Variants in PCLO observed in about 807,000 individuals in gnomAD.
The protein encoded by PCLO is piccolo presynaptic cytomatrix protein.
Under a neutral mutation model 427.5 loss-of-function variants are expected in PCLO, and 82 were observed. That is an observed-to-expected ratio of 0.19 (90% CI 0.16 to 0.23). PCLO has a LOEUF of 0.23. PCLO is among the 10% of genes least tolerant of loss of function. The pLI, the probability that PCLO is intolerant of heterozygous loss-of-function variation, is 1.00. For synonymous variants in PCLO, 2,357 were observed against 2,155.4 expected, an observed-to-expected ratio of 1.09 and a Z score of -2.59; for missense variants, 6,239 against 6,115.9, an observed-to-expected ratio of 1.02 and a Z score of -0.67.
intron 3 of PCLO, among the ~76,000 whole-genome samples, chr7:82,976,574 T>C (rs1796022669): frequency 1.3e-5 from 2 of 152,228 alleles, no homozygotes. Flanking sequence ...ATTGTTGGTG[T>C]GTATGCAAAG....
chr7:83,160,109 T>C (rs1204765468), intron 1 of PCLO, among the ~76,000 whole-genome samples: 1 of 152,158 alleles, frequency 6.6e-6, no homozygotes, highest in Non-Finnish European at 1.5e-5. Flanking sequence ...TTTACATTTG[T>C]AGGGTTTGTG....
intron 3 of PCLO, among the ~76,000 whole-genome samples, chr7:83,040,318 C>A (rs1374259515): frequency 1.3e-5 from 2 of 152,080 alleles, no homozygotes; most frequent in Non-Finnish European, 2.9e-5. Context: ...CATCATAGGG[C>A]ACAGATTTTG....
chr7:82,858,517 T>C (rs1010445923), intron 10 of PCLO, among the ~76,000 whole-genome samples: 2 of 152,170 alleles, frequency 1.3e-5, no homozygotes, highest in Non-Finnish European at 2.9e-5. Context: ...TAAAATTGTC[T>C]ATTTGCAGAT....
At chr7:82,859,355 A>G (rs1289219619) in intron 10 of PCLO, among the ~76,000 whole-genome samples, 1 of 152,210 alleles carries the variant, frequency 6.6e-6, no homozygotes, top group Non-Finnish European at 1.5e-5. Context: ...GATGTTGCCC[A>G]CAGGGGTGCT....
Position 82,841,140 on chromosome 7 carries a change from G to T in PCLO, c.14097+319C>A, listed in dbSNP as rs368577297. Among the ~76,000 whole-genome samples the T allele has an allele frequency of 7.9e-5, 12 of 151,872 alleles. No homozygotes were observed. The East Asian group carries it at 2.1e-3, about 27-fold the overall frequency. On this transcript the variant is annotated intron_variant, in intron 14 of 24. Coordinates refer to ENST00000333891, the MANE Select transcript of PCLO (RefSeq NM_033026.6). ...AGTAGACTCATGAAACTCTTAAAGA[G>T]GAAACTTCAAATTTCCAGGAGAATC...
At chr7:82,773,481 T>G (rs1371242728) in intron 22 of PCLO, among the ~76,000 whole-genome samples, 1 of 152,144 alleles carries the variant, frequency 6.6e-6, no homozygotes, top group East Asian at 1.9e-4. Flanking sequence ...TCTTTGTCCT[T>G]AATCTTATCA....
chr7:83,125,349 G>A (rs949007065), intron 3 of PCLO, among the ~76,000 whole-genome samples: 1 of 152,304 alleles, frequency 6.6e-6, no homozygotes, highest in East Asian at 1.9e-4. Context: ...TCTGGGAAGT[G>A]GGGGGCTGCT....
chr7:82,866,606 GA>G, intron 10 of PCLO, among the ~76,000 whole-genome samples: 1 of 151,026 alleles, frequency 6.6e-6, no homozygotes, highest in Non-Finnish European at 1.5e-5. Context: ...TAGCTTAAGA[GA>G]AAAATAAAGG....
intron 2 of PCLO, among the ~76,000 whole-genome samples, chr7:83,143,352 C>G (rs1046057093): frequency 2.0e-5 from 3 of 152,116 alleles, no homozygotes; most frequent in African/African-American, 7.2e-5. Flanking sequence ...TGGTTAAAAA[C>G]TAGACACTAG....
chr7:83,024,573 GC>G lies in PCLO; in HGVS notation c.3301-58087del, dbSNP rs1788437624. Among the ~76,000 whole-genome samples the G allele has an allele frequency of 7.9e-5, 12 of 152,312 alleles. 1 individual carries two copies. The South Asian group carries it at 2.5e-3, about 32-fold the overall frequency. ...CAGGCTTGATTAGGTAAACAAAGCA[GC>G]CAGGAAGCTCGAACTGGGTGGAGCC... On this transcript the variant is annotated intron_variant, in intron 3 of 24. Coordinates refer to ENST00000333891, the MANE Select transcript of PCLO (RefSeq NM_033026.6).
At chr7:82,783,533 A>C (rs1308717866) in intron 22 of PCLO, among the ~76,000 whole-genome samples, 1 of 152,096 alleles carries the variant, frequency 6.6e-6, no homozygotes, top group Admixed American at 6.6e-5. Flanking sequence ...GAGGCAGGAG[A>C]ATGGCGTGAA....
chr7:82,792,101 A>G (rs1791113739), intron 22 of PCLO, among the ~76,000 whole-genome samples: 1 of 152,156 alleles, frequency 6.6e-6, no homozygotes, highest in African/African-American at 2.4e-5. Context: ...CTATTCAACA[A>G]TGAAGCTATC....
rs1300196710 is a variant in PCLO at position 82,756,044 on chromosome 7, G to A, written c.*2531C>T. On this transcript the variant is annotated 3_prime_UTR_variant, in exon 25 of 25. Coordinates refer to ENST00000333891, the MANE Select transcript of PCLO (RefSeq NM_033026.6). ...GACTCCTACGCTTTCAGGTTAAATA[G>A]CTACCAAAGAGATAATCTTTGTTTT... The A allele has an allele frequency of 6.6e-6, 1 of 152,076 alleles. No homozygotes were observed. Among genetic ancestry groups the A allele is most frequent in the East Asian group, 1.9e-4 (1 of 5,170 alleles). The allele number at this position is 152,076 out of a possible 1,614,324, so 9.4% of individuals were successfully genotyped here.
At chr7:82,927,629 C>T (rs1052191253) in intron 6 of PCLO, among the ~76,000 whole-genome samples, 1 of 152,096 alleles carries the variant, frequency 6.6e-6, no homozygotes, top group African/African-American at 2.4e-5. Flanking sequence ...CTCACCAAAA[C>T]CCATCTTGTT....
chr7:82,829,507 C>T (rs1792037897), intron 16 of PCLO, among the ~76,000 whole-genome samples: 1 of 152,108 alleles, frequency 6.6e-6, no homozygotes, highest in Admixed American at 6.6e-5. Flanking sequence ...AAGCAGCATT[C>T]CTCGCACTTC....
At chr7:82,846,126 T>A (rs1329711270) in intron 12 of PCLO, among the ~76,000 whole-genome samples, 1 of 152,158 alleles carries the variant, frequency 6.6e-6, no homozygotes, top group South Asian at 2.1e-4. Context: ...TGAAATTACA[T>A]GTTGATTTTT....
intron 6 of PCLO, among the ~76,000 whole-genome samples, chr7:82,930,073 G>A (rs1431479005): frequency 6.6e-6 from 1 of 152,190 alleles, no homozygotes; most frequent in Non-Finnish European, 1.5e-5. Flanking sequence ...CTGGATCTTA[G>A]AGAATGCAGA....
chr7:83,128,515 C>T (rs1791495810), intron 3 of PCLO, among the ~76,000 whole-genome samples: 1 of 151,980 alleles, frequency 6.6e-6, no homozygotes, highest in South Asian at 2.1e-4. Context: ...ATGCAAACTT[C>T]GTTAGACTAT....
chr7:83,114,547 T>C (rs1791085824), intron 3 of PCLO, among the ~76,000 whole-genome samples: 1 of 152,030 alleles, frequency 6.6e-6, no homozygotes, highest in Non-Finnish European at 1.5e-5. Flanking sequence ...ATCTATCAGG[T>C]GATGAATTTT....
Sources: allele counts gnomAD v4.1 joint callset (sites outside exome capture counted in the v4.1 genomes callset), GRCh38; gene constraint gnomAD v4.1.1; transcripts MANE v1.5; gene names NCBI Gene and HGNC (gene_info 2026-07-23, HGNC 2026-07-21).